Variants in HPS3 observed in about 807,000 individuals in gnomAD.
The protein encoded by HPS3 is BLOC-2 complex member HPS3.
In HPS3, 79 loss-of-function variants were observed where a neutral mutation model predicts 110.9. The observed-to-expected ratio is 0.71, with a 90% CI of 0.59 to 0.86. The LOEUF (loss-of-function observed/expected upper bound fraction) is 0.86, where lower values mean the gene tolerates loss of function less well. HPS3 is among the 40% of genes least tolerant of loss of function. The pLI is 0.00. For missense variants in HPS3, 1,197 were observed against 1,206.2 expected (o/e 0.99, Z 0.11); for synonymous variants, 428 against 451.0 (o/e 0.95, Z 0.65).
intron 14 of HPS3, among the ~76,000 whole-genome samples, chr3:149,164,734 T>TG (rs1301809631): frequency 6.6e-6 from 1 of 152,168 alleles, no homozygotes; most frequent in Non-Finnish European, 1.5e-5. Context: ...ACCTGAGGGT[T>TG]GGGGCTGACC....
At position 149,150,664 on chromosome 3, in the gene HPS3, T is replaced by A; in HGVS notation, c.1229T>A (p.Met410Lys). 6.2e-7 allele frequency: 1 copy of A among 1,613,640 alleles called. No individual in the cohort carries two copies. Among genetic ancestry groups the A allele is most frequent in the Admixed American group, 1.7e-5 (1 of 60,022 alleles). The change falls in exon 6 of 17, where the codon ATG (methionine) becomes AAG (lysine). Residue 410 changes from methionine (M) to lysine (K), a missense_variant. By Grantham distance (95) the Met-to-Lys change is moderately conservative. Coordinates refer to ENST00000296051, the MANE Select transcript of HPS3 (RefSeq NM_032383.5). ...GCAGCTCGTGAGGAGGACCCGTACA[T>A]GGACACCACCCTGAAGGTAAGAACT... is the stretch of plus-strand genomic sequence containing the variant. The part of the protein sequence containing the change: ...AAAAREEDPY[M>K]DTTLKACPPV...
intron 4 of HPS3, among the ~76,000 whole-genome samples, chr3:149,144,541 C>T (rs1052114142): frequency 2.0e-5 from 3 of 152,204 alleles, no homozygotes; most frequent in African/African-American, 7.2e-5. Flanking sequence ...TTTTAAGGCT[C>T]TTTTAATATC....
Position 149,165,996 on chromosome 3 carries a change from CT to C in HPS3, c.2590-1037del, listed in dbSNP as rs764609396. 5 of 456,242 alleles carry C rather than the reference CT, an allele frequency of 1.1e-5. 1 individual carries two copies. Among genetic ancestry groups the C allele is most frequent in the Middle Eastern group, 3.3e-4 (1 of 3,072 alleles). The allele number at this position is 456,242 out of a possible 1,614,324, so 28.3% of individuals were successfully genotyped here. ...AGATATTTGGAATAAAATAATCACA[CT>C]GACTGTGATTGGGTAGATCACATTC... On this transcript the variant is annotated intron_variant, in intron 14 of 16. Transcript: ENST00000296051.
rs1406056173 is a variant in HPS3 at position 149,157,509 on chromosome 3, C to T, written c.1669C>T (p.His557Tyr). The change falls in exon 9 of 17, where the codon CAC (histidine) becomes TAC (tyrosine). Residue 557 changes from histidine (H) to tyrosine (Y), a missense_variant. Transcript: ENST00000296051. ...GGAAGCATTTAAGGAAAGCTGTGGG[C>T]ACCTTGGGGACTGTTACAGCAGGTG... is the stretch of plus-strand genomic sequence containing the variant. ...LLEAFKESCG[H>Y]LGDCYSRLDS... The T allele has an allele frequency of 6.2e-7, 1 of 1,613,746 alleles. No individual in the cohort carries two copies. The highest frequency in any genetic ancestry group is 1.1e-5 in the South Asian group (1 of 91,086).
chr3:149,136,567 C>T (rs552262395), intron 1 of HPS3, among the ~76,000 whole-genome samples: 18 of 152,246 alleles, frequency 1.2e-4, no homozygotes, highest in Middle Eastern at 3.4e-3. Flanking sequence ...CTAATTTGTT[C>T]GTTGTGTTGC....
At chr3:149,171,470 A>G (rs1370423072) in intron 16 of HPS3, among the ~76,000 whole-genome samples, 1 of 152,232 alleles carries the variant, frequency 6.6e-6, no homozygotes, top group Non-Finnish European at 1.5e-5. Flanking sequence ...CATTAAAAAG[A>G]ATATTCAAAT....
At position 149,160,066 on chromosome 3, in the gene HPS3, T is replaced by G. The variant is rs866018137; in HGVS notation, c.1893T>G (p.Val631=). 2 of 1,613,898 alleles carry G rather than the reference T, an allele frequency of 1.2e-6. No homozygotes were observed. Among genetic ancestry groups the G allele is most frequent in the Middle Eastern group, 3.3e-4 (2 of 6,060 alleles). Residue 631 remains valine, a synonymous_variant, in exon 11 of 17, where the codon GTT becomes GTG. Transcript: ENST00000296051. ...CAAAGGAATTAGCAGCAAAAGTGGT[T>G]CAGATGTTTTATGTGGCTGAGCCAA... The part of the protein sequence containing the change: ...ELNEELAAKV[V]QMFYVAEPKQ...
intron 14 of HPS3, chr3:149,166,197 T>C (rs1724395866): frequency 2.8e-6 from 1 of 352,446 alleles, no homozygotes; most frequent in South Asian, 2.2e-5. Context: ...ATTGGTAAAG[T>C]TGTAAATTCT....
chr3:149,149,311 G>A (rs568375288), intron 5 of HPS3, among the ~76,000 whole-genome samples: 5 of 151,870 alleles, frequency 3.3e-5, no homozygotes, highest in South Asian at 2.1e-4. Flanking sequence ...TTGTTTTTGC[G>A]GTCATAGCTA....
intron 5 of HPS3, among the ~76,000 whole-genome samples, chr3:149,147,997 A>G (rs1722879121): frequency 6.6e-6 from 1 of 151,910 alleles, no homozygotes; most frequent in African/African-American, 2.4e-5. Context: ...CAACCTCCCA[A>G]GTCGCTGGGA....
intron 16 of HPS3, 139 bp from the exon 17 acceptor site, chr3:149,171,956 C>T (rs1239692047): frequency 2.9e-5 from 19 of 663,932 alleles, no homozygotes; most frequent in Admixed American, 8.8e-5. Flanking sequence ...CTGCCCACCT[C>T]GGCCTCCCAA....
chr3:149,168,128 G>C (rs531087254), intron 16 of HPS3, 145 bp downstream of exon 16: 4 of 640,968 alleles, frequency 6.2e-6, no homozygotes, highest in Non-Finnish European at 8.5e-6. Flanking sequence ...CAGCATTCAC[G>C]TACCCTCCCC....
rs757079213 is a variant in HPS3, at chr3:149,145,368, G to A, written c.985G>A (p.Asp329Asn). 3.7e-6 allele frequency: 6 copies of A among 1,613,318 alleles called. No homozygotes were observed. Among genetic ancestry groups the A allele is most frequent in the Non-Finnish European group, 5.1e-6 (6 of 1,179,584 alleles). ...TTTGCATGCAGGTTCTCTTACATCT[G>A]ATGGAAAAAATTTGTCTCAGGAAAA... ...PIYQTGSLTS[D>N]GKNLSQEKEL... The change falls in exon 5 of 17, where the codon GAT becomes AAT. Residue 329 changes from aspartate (D) to asparagine (N), a missense_variant. Coordinates refer to ENST00000296051, the MANE Select transcript of HPS3 (RefSeq NM_032383.5).
At chr3:149,158,549 A>C in intron 9 of HPS3, 117 bp from the exon 10 acceptor site, 1 of 990,732 alleles carries the variant, frequency 1.0e-6, no homozygotes, top group Non-Finnish European at 1.6e-6. Flanking sequence ...GCACTTTGGG[A>C]GGCTGAGGTA....
chr3:149,131,226 A>G (rs2108114850), intron 1 of HPS3, among the ~76,000 whole-genome samples: 1 of 152,214 alleles, frequency 6.6e-6, no homozygotes, highest in South Asian at 2.1e-4. Context: ...CATACATAGT[A>G]TCTGACTGCT....
At position 149,156,832 on chromosome 3, in the gene HPS3, C is replaced by T. The variant is rs527559633; in HGVS notation, c.1510-518C>T. On this transcript the variant is annotated intron_variant, in intron 8 of 16. Transcript: ENST00000296051. ...AAAGTCTTCGTTTAGGTGATTTGAC[C>T]GCTAGAGTCTGAATATATTGATTGA... Among the ~76,000 whole-genome samples, 12 of 152,024 alleles carry T rather than the reference C, an allele frequency of 7.9e-5. 1 individual carries two copies. The South Asian group carries it at 2.5e-3, about 32-fold the overall frequency.
At chr3:149,156,703 AT>A (rs1484877902) in intron 8 of HPS3, among the ~76,000 whole-genome samples, 4 of 151,808 alleles carry the variant, frequency 2.6e-5, no homozygotes, top group African/African-American at 7.3e-5. Flanking sequence ...GGTGATGTTA[AT>A]TTTTGGTCAT....
intron 6 of HPS3, among the ~76,000 whole-genome samples, chr3:149,152,813 A>T (rs989958079): frequency 6.6e-6 from 1 of 152,132 alleles, no homozygotes; most frequent in Non-Finnish European, 1.5e-5. Flanking sequence ...TCATTTTGTG[A>T]GCTCCCAGAA....
chr3:149,169,489 A>T (rs1724765999), intron 16 of HPS3, among the ~76,000 whole-genome samples: 1 of 152,152 alleles, frequency 6.6e-6, no homozygotes, highest in South Asian at 2.1e-4. Flanking sequence ...AGGAGTTTGG[A>T]TTTCTTATCT....
Sources: gnomAD v4.1 joint callset for allele counts (sites outside exome capture counted in the v4.1 genomes callset) on GRCh38, gnomAD v4.1.1 for gene constraint, MANE v1.5 for transcripts, NCBI Gene and HGNC (gene_info 2026-07-23, HGNC 2026-07-21) for gene names.